LRRC43: variants seen among roughly 807,000 people sequenced by gnomAD.
LRRC43 encodes the protein leucine rich repeat containing 43.
In LRRC43, 62 loss-of-function variants were observed where a neutral mutation model predicts 64.3. The observed-to-expected ratio is 0.96, with a 90% CI of 0.79 to 1.19. The LOEUF (loss-of-function observed/expected upper bound fraction) is 1.19, where lower values mean the gene tolerates loss of function less well. LRRC43 is among the 50% of genes most tolerant of loss of function. LRRC43 has a pLI of 0.00. For missense variants in LRRC43, 868 were observed against 845.0 expected (o/e 1.03, Z -0.34); for synonymous variants, 422 against 382.3 (o/e 1.10, Z -1.21).
At chr12:122,199,027 G>C (rs1953803451) in intron 7 of LRRC43, among the ~76,000 whole-genome samples, 1 of 150,458 alleles carries the variant, frequency 6.6e-6, no homozygotes, top group African/African-American at 2.4e-5. Context: ...CAGCAGGCTG[G>C]AGTGCAGTGG....
chr12:122,173,125 A>G (rs974648198), intron 1 of LRRC43, among the ~76,000 whole-genome samples: 1 of 152,086 alleles, frequency 6.6e-6, no homozygotes, highest in African/African-American at 2.4e-5. Flanking sequence ...CTTGTCCGGA[A>G]AGGCCTCCGA....
intron 4 of LRRC43, 82 bp from the exon 5 acceptor site, chr12:122,190,048 T>C (rs1953696606): frequency 5.4e-6 from 6 of 1,120,530 alleles, no homozygotes; most frequent in Non-Finnish European, 6.8e-6. Context: ...AGCCCCAGGC[T>C]CCCCGTCCGT....
chr12:122,182,962 C>T, upstream of LRRC43: 1 of 1,020,124 alleles, frequency 9.8e-7, no homozygotes, highest in Non-Finnish European at 1.3e-6. Flanking sequence ...AGCTGCCGCA[C>T]TTAGAACCAC....
chr12:122,172,325 G>T, intron 1 of LRRC43: 1 of 944,972 alleles, frequency 1.1e-6, no homozygotes, highest in Non-Finnish European at 1.6e-6. Context: ...TGTACTTAAG[G>T]AATCACGGCA....
intron 1 of LRRC43, 107 bp downstream of exon 1, chr12:122,183,401 C>G: frequency 8.0e-7 from 1 of 1,242,960 alleles, no homozygotes; most frequent in South Asian, 1.9e-5. Flanking sequence ...TCTGCGCATT[C>G]TGGGGGCCGC....
rs750093595 is a variant in LRRC43, at chr12:122,200,783, A to G, written c.1658A>G (p.Lys553Arg). The change falls in exon 10 of 12, where the codon AAG (lysine) becomes AGG (arginine). Residue 553 changes from lysine to arginine, a missense_variant. Coordinates refer to ENST00000339777, the MANE Select transcript of LRRC43 (RefSeq NM_001098519.2). The surrounding 1 kb of genome is among the most constrained non-coding windows in gnomAD (Gnocchi z 4.6). ...CTGAAGAAGAAGAAAGAGCCGCCCA[A>G]GGAGCTCCGGCAGGACCCCCCCATC... is the stretch of plus-strand genomic sequence containing the variant. ...KVLKKKKEPPKELRQDPPILQ... is the reference protein window; with the variant it reads ...KVLKKKKEPPRELRQDPPILQ... The G allele has an allele frequency of 1.6e-5, 26 of 1,612,752 alleles. No individual in the cohort carries two copies. In the Admixed American group the frequency reaches 3.3e-4, roughly 21 times the overall value.
At chr12:122,192,260 C>T (rs1953726840) in intron 6 of LRRC43, among the ~76,000 whole-genome samples, 1 of 152,212 alleles carries the variant, frequency 6.6e-6, no homozygotes, top group African/African-American at 2.4e-5. Context: ...CCTCAGCCTC[C>T]TGAGTAGCTG....
At chr12:122,187,948 C>A in intron 4 of LRRC43, 108 bp downstream of exon 4, 1 of 1,123,300 alleles carries the variant, frequency 8.9e-7, no homozygotes, top group Non-Finnish European at 1.3e-6. Context: ...TTTGTAACTC[C>A]CAGTTGGCTG....
chr12:122,192,926 T>G lies in LRRC43; in HGVS notation c.1271T>G (p.Leu424Trp). ...LSVISGPSTI[L>W]QMPRASAEEL... is the part of the protein sequence containing the mutation. The stretch of plus-strand genomic sequence containing the variant: ...GTCATCTCGGGGCCTTCGACCATCT[T>G]GCAGATGCCGAGGGCCTCTGCAGAA... Residue 424 changes from leucine to tryptophan, a missense_variant, in exon 7 of 12, where the codon TTG (leucine) becomes TGG (tryptophan). Leu to Trp is a moderately conservative substitution (Grantham distance 61). Transcript: ENST00000339777. The G allele has an allele frequency of 6.2e-7, 1 of 1,613,980 alleles. No homozygotes were observed. The highest frequency in any genetic ancestry group is 8.5e-7 in the Non-Finnish European group (1 of 1,180,020).
intron 1 of LRRC43, among the ~76,000 whole-genome samples, chr12:122,169,119 G>A (rs1023456159): frequency 2.6e-5 from 4 of 152,096 alleles, no homozygotes; most frequent in Non-Finnish European, 4.4e-5. Context: ...CCACCTTACC[G>A]TATTCCCTCT....
In LRRC43 at chr12:122,186,319, G is replaced by A. The variant is rs1357697287; in HGVS notation, c.522+19G>A. 1 of 1,526,540 alleles carries A rather than the reference G, an allele frequency of 6.6e-7. No individual in the cohort carries two copies. The highest frequency in any genetic ancestry group is 9.0e-7 in the Non-Finnish European group (1 of 1,116,870). The allele number at this position is 1,526,540 out of a possible 1,614,324, so 94.6% of individuals were successfully genotyped here. On this transcript the variant is annotated intron_variant, in intron 3 of 11. Coordinates refer to ENST00000339777, the MANE Select transcript of LRRC43 (RefSeq NM_001098519.2). Reference sequence around the variant, plus strand: ...ACTCAAGGTGAAGGAGCCCCGGTCTGTGTTGAGTATTTGGGCCTCCGCTGC... The same window carrying A: ...ACTCAAGGTGAAGGAGCCCCGGTCTATGTTGAGTATTTGGGCCTCCGCTGC...
Position 122,184,295 on chromosome 12 carries a change from C to T in LRRC43, c.151-224C>T, listed in dbSNP as rs868607247. Reference sequence around the variant, plus strand: ...ATTTTTAGTCGAGACGGGGTTTCACCGTGTTAGCCAGGATGGCCTCGATCT... The same window carrying T: ...ATTTTTAGTCGAGACGGGGTTTCACTGTGTTAGCCAGGATGGCCTCGATCT... On this transcript the variant is annotated intron_variant, in intron 1 of 11. Coordinates refer to ENST00000339777, the MANE Select transcript of LRRC43 (RefSeq NM_001098519.2). This position sits in a 1 kb window ranked among gnomAD's most constrained non-coding sequence, Gnocchi z 4.0. Among the ~76,000 whole-genome samples the T allele has an allele frequency of 9.9e-5, 15 of 152,190 alleles. No individual in the cohort carries two copies. Among genetic ancestry groups the T allele is most frequent in the Admixed American group, 3.9e-4 (6 of 15,268 alleles).
chr12:122,192,520 T>C (rs1231945770), intron 6 of LRRC43, among the ~76,000 whole-genome samples: 3 of 152,200 alleles, frequency 2.0e-5, no homozygotes, highest in African/African-American at 7.2e-5. Flanking sequence ...GAGAAACCTG[T>C]CTCCTCCTCC....
Position 122,173,924 on chromosome 12 carries a change from C to T in LRRC43, c.-406+6142C>T, listed in dbSNP as rs147790604. Reference sequence around the variant, plus strand: ...TCATCACTTGGTCGTAGTAAACGGACGGGCAACGTGTGGGAGGCCAGCCAG... The same window carrying T: ...TCATCACTTGGTCGTAGTAAACGGATGGGCAACGTGTGGGAGGCCAGCCAG... On this transcript the variant is annotated intron_variant, in intron 1 of 5. Coordinates refer to the LRRC43 transcript ENST00000537729. The T allele has an allele frequency of 1.9e-4, 301 of 1,613,998 alleles. 6 individuals carry two copies. In the Middle Eastern group the frequency reaches 0.01, roughly 55 times the overall value.
chr12:122,169,055 T>C (rs1344056189), intron 1 of LRRC43, among the ~76,000 whole-genome samples: 1 of 152,142 alleles, frequency 6.6e-6, no homozygotes, highest in Non-Finnish European at 1.5e-5. Context: ...GGGTGCGTGA[T>C]ACCCAAGCGT....
intron 10 of LRRC43, 70 bp from the exon 11 acceptor site, chr12:122,201,226 C>A (rs930586131): frequency 2.3e-5 from 35 of 1,544,690 alleles, no homozygotes; most frequent in Non-Finnish European, 3.0e-5. Flanking sequence ...GAGGTGGGGC[C>A]CCAGAGACAC....
At chr12:122,188,840 T>C (rs1481307383) in intron 4 of LRRC43, among the ~76,000 whole-genome samples, 1 of 152,188 alleles carries the variant, frequency 6.6e-6, no homozygotes, top group African/African-American at 2.4e-5. Context: ...GGTGGGATAT[T>C]GAGCAGCATA....
upstream of LRRC43, among the ~76,000 whole-genome samples, chr12:122,181,573 T>C (rs897823745): frequency 2.0e-5 from 3 of 149,820 alleles, no homozygotes; most frequent in Non-Finnish European, 3.0e-5. Flanking sequence ...AAAGGACATA[T>C]GGTCATCTTT....
rs1953617406 is a variant in LRRC43, at chr12:122,184,496, A to G, written c.151-23A>G. ...AAGGGGGCTGTGTCACACCTACAGA[A>G]AATCCCTCCTCTGCCACTGCAGAAT... On this transcript the variant is annotated intron_variant, in intron 1 of 11. Coordinates refer to ENST00000339777, the MANE Select transcript of LRRC43 (RefSeq NM_001098519.2). This position sits in a 1 kb window ranked among gnomAD's most constrained non-coding sequence, Gnocchi z 4.0. The G allele has an allele frequency of 6.2e-7, 1 of 1,609,808 alleles. No homozygotes were observed. Among genetic ancestry groups the G allele is most frequent in the African/African-American group, 1.3e-5 (1 of 74,956 alleles).
Sources: allele counts gnomAD v4.1 joint callset (sites outside exome capture counted in the v4.1 genomes callset), GRCh38; gene constraint gnomAD v4.1.1; non-coding constraint Gnocchi (gnomAD v3.1); transcripts MANE v1.5; gene names NCBI Gene and HGNC (gene_info 2026-07-23, HGNC 2026-07-21).